CSMD1: variants seen among roughly 807,000 people sequenced by gnomAD.
CSMD1 encodes the protein CUB and sushi domain-containing protein 1.
In CSMD1, 213 loss-of-function variants were observed where a neutral mutation model predicts 417.5. That is an observed-to-expected ratio of 0.51 (90% CI 0.46 to 0.57). CSMD1 has a LOEUF of 0.57. Among genes scored for constraint, CSMD1 ranks in the 20% least tolerant of loss-of-function variants. The pLI, the probability that CSMD1 is intolerant of heterozygous loss-of-function variation, is 0.00. For missense variants in CSMD1, 6,923 were observed against 4,529.7 expected (o/e 1.53, Z -15.17); for synonymous variants, 2,862 against 1,736.8 (o/e 1.65, Z -16.11).
chr8:4,760,924 C>G (rs1203872503), intron 1 of CSMD1, among the ~76,000 whole-genome samples: 3 of 152,120 alleles, frequency 2.0e-5, no homozygotes, highest in Non-Finnish European at 4.4e-5. Context: ...ATATCTTTCT[C>G]AAGCTTATTT....
At chr8:4,098,266 A>T (rs1292810038) in intron 3 of CSMD1, among the ~76,000 whole-genome samples, 1 of 152,198 alleles carries the variant, frequency 6.6e-6, no homozygotes, top group East Asian at 1.9e-4. Flanking sequence ...CTTCAGATGT[A>T]ATGGCATCAG....
At chr8:3,483,327 C>T (rs1817849323) in intron 11 of CSMD1, among the ~76,000 whole-genome samples, 1 of 151,764 alleles carries the variant, frequency 6.6e-6, no homozygotes, top group Admixed American at 6.6e-5. Context: ...TCAGCCATCA[C>T]AAAGATAATA....
chr8:4,450,350 G>A (rs757875876), intron 2 of CSMD1, among the ~76,000 whole-genome samples: 23 of 152,072 alleles, frequency 1.5e-4, no homozygotes, highest in African/African-American at 3.6e-4. Context: ...TTTAGTAGCC[G>A]GGTGTGGTGG....
intron 3 of CSMD1, among the ~76,000 whole-genome samples, chr8:4,369,015 C>T (rs1361689520): frequency 1.3e-5 from 2 of 151,986 alleles, no homozygotes; most frequent in African/African-American, 4.8e-5. Flanking sequence ...TCTGGTTTTT[C>T]TAGTTCCTCT....
intron 3 of CSMD1, among the ~76,000 whole-genome samples, chr8:4,125,240 G>A (rs913884161): frequency 2.6e-5 from 4 of 152,146 alleles, no homozygotes; most frequent in East Asian, 1.9e-4. Context: ...GGGCCAACCT[G>A]CCTCCCATTC....
At chr8:4,189,228 C>G (rs931357831) in intron 3 of CSMD1, among the ~76,000 whole-genome samples, 2 of 152,214 alleles carry the variant, frequency 1.3e-5, no homozygotes, top group African/African-American at 4.8e-5. Context: ...CCCCAGGACC[C>G]ATAACAGATC....
At position 4,274,316 on chromosome 8, in the gene CSMD1, G is replaced by T. The variant is rs77178271; in HGVS notation, c.415+145637C>A. On this transcript the variant is annotated intron_variant, in intron 3 of 69. Transcript: ENST00000635120. ...GTGAAGTATCACCCAACTGGCATAC[G>T]TGGGGAGGAAAAACACATGACTTTT... Among the ~76,000 whole-genome samples the T allele has an allele frequency of 3.3e-5, 5 of 152,206 alleles. No individual in the cohort carries two copies. The East Asian group carries it at 9.6e-4, about 29-fold the overall frequency.
intron 3 of CSMD1, among the ~76,000 whole-genome samples, chr8:4,308,797 T>C (rs1798397798): frequency 6.6e-6 from 1 of 152,224 alleles, no homozygotes. Context: ...AATTCACAGA[T>C]GAGTTATTAT....
intron 1 of CSMD1, among the ~76,000 whole-genome samples, chr8:4,738,832 T>A (rs1810412210): frequency 6.6e-6 from 1 of 151,912 alleles, no homozygotes; most frequent in South Asian, 2.1e-4. Context: ...AGATGGAGAA[T>A]AGAAAAAATA....
At chr8:3,015,073 A>C (rs1176602790) in intron 52 of CSMD1, among the ~76,000 whole-genome samples, 3 of 149,270 alleles carry the variant, frequency 2.0e-5, no homozygotes, top group African/African-American at 7.4e-5. Context: ...AATTAAAATT[A>C]AAAAAGTTTT....
At chr8:3,284,743 G>C in intron 25 of CSMD1, 1 of 186,484 alleles carries the variant, frequency 5.4e-6, no homozygotes, top group Admixed American at 5.4e-5. Flanking sequence ...TGCAGTCAGT[G>C]TTGTTCACGA....
intron 11 of CSMD1, among the ~76,000 whole-genome samples, chr8:3,483,025 G>C (rs970863670): frequency 1.3e-5 from 2 of 151,958 alleles, no homozygotes; most frequent in Non-Finnish European, 2.9e-5. Context: ...ACATTAGATA[G>C]AAAAGAATGA....
At chr8:4,316,192 G>A (rs905235917) in intron 3 of CSMD1, among the ~76,000 whole-genome samples, 4 of 152,114 alleles carry the variant, frequency 2.6e-5, no homozygotes, top group Non-Finnish European at 4.4e-5. Context: ...TTTCAAGAGA[G>A]CAGGACCCCA....
intron 3 of CSMD1, among the ~76,000 whole-genome samples, chr8:4,200,391 A>C (rs1799577090): frequency 6.6e-6 from 1 of 152,352 alleles, no homozygotes; most frequent in East Asian, 1.9e-4. Flanking sequence ...TTTAAAAAGC[A>C]GAAAAAAATT....
chr8:4,672,966 A>G (rs965593531), intron 1 of CSMD1, among the ~76,000 whole-genome samples: 1 of 152,026 alleles, frequency 6.6e-6, no homozygotes, highest in Non-Finnish European at 1.5e-5. Flanking sequence ...CATACATAAC[A>G]CACACGTTTC....
At chr8:4,776,339 C>T (rs1033687678) in intron 1 of CSMD1, among the ~76,000 whole-genome samples, 28 of 152,006 alleles carry the variant, frequency 1.8e-4, no homozygotes, top group African/African-American at 6.0e-4. Flanking sequence ...GAAAATATTG[C>T]TACTAAGTTT....
chr8:3,284,285 G>T lies in CSMD1; in HGVS notation c.4012C>A (p.Pro1338Thr). 1 of 1,613,944 alleles carries T rather than the reference G, an allele frequency of 6.2e-7. No individual in the cohort carries two copies. The highest frequency in any genetic ancestry group is 1.7e-4 in the Middle Eastern group (1 of 6,058). The change falls in exon 26 of 70, where the codon CCG (proline) becomes ACG (threonine). Residue 1338 changes from proline (P) to threonine (T), a missense_variant. Transcript: ENST00000635120. ...AHDILKVWDG[P>T]VDSDILLKEW... ...TTCAGCAGGATGTCACTGTCCACCGGCCCGTCCCAGACCTTGAGGATGTCG... is the reference window on the plus strand; with the variant it reads ...TTCAGCAGGATGTCACTGTCCACCGTCCCGTCCCAGACCTTGAGGATGTCG...
chr8:3,824,733 G>C (rs1801953300), intron 5 of CSMD1, among the ~76,000 whole-genome samples: 1 of 152,090 alleles, frequency 6.6e-6, no homozygotes, highest in Non-Finnish European at 1.5e-5. Context: ...GGCTACTAGA[G>C]AATTAAAATG....
intron 1 of CSMD1, among the ~76,000 whole-genome samples, chr8:4,750,171 AAT>A (rs1491552323): frequency 6.6e-6 from 1 of 151,744 alleles, no homozygotes; most frequent in Non-Finnish European, 1.5e-5. Context: ...ACGCCCGGCT[AAT>A]TTTTTTTGTA....
Sources: gnomAD v4.1 joint callset for allele counts (sites outside exome capture counted in the v4.1 genomes callset) on GRCh38, gnomAD v4.1.1 for gene constraint, MANE v1.5 for transcripts, NCBI Gene and HGNC (gene_info 2026-07-23, HGNC 2026-07-21) for gene names.